GPR39: variants seen among roughly 807,000 people sequenced by gnomAD.
GPR39 encodes the protein G protein-coupled receptor 39.
Under a neutral mutation model 18.4 loss-of-function variants are expected in GPR39, and 23 were observed. That is an observed-to-expected ratio of 1.25 (90% confidence interval 0.90 to 1.77). The LOEUF (loss-of-function observed/expected upper bound fraction) is 1.77, where lower values mean the gene tolerates loss of function less well. GPR39 is among the 40% of genes most tolerant of loss of function. GPR39 has a pLI of 0.00. For synonymous variants in GPR39, 280 were observed against 257.9 expected (o/e 1.09, Z -0.82); for missense variants, 647 against 602.4 (o/e 1.07, Z -0.78).
chr2:132,422,354 T>G (rs1451330568), intron 1 of GPR39, among the ~76,000 whole-genome samples: 1 of 152,236 alleles, frequency 6.6e-6, no homozygotes, highest in African/African-American at 2.4e-5. Flanking sequence ...TTCTGTACCC[T>G]GTGTGCAGGC....
intron 1 of GPR39, among the ~76,000 whole-genome samples, chr2:132,571,862 G>A (rs939640478): frequency 1.3e-5 from 2 of 152,200 alleles, no homozygotes; most frequent in Non-Finnish European, 2.9e-5. Context: ...AGTGCTAGTG[G>A]AGCCCAGATG....
At chr2:132,584,581 T>C (rs1304769483) in intron 1 of GPR39, among the ~76,000 whole-genome samples, 1 of 151,710 alleles carries the variant, frequency 6.6e-6, no homozygotes, top group African/African-American at 2.4e-5. Context: ...CCCAAGGTTC[T>C]GTCTGAAAGG....
At chr2:132,492,464 T>TACACACCATATAC (rs1558814323) in intron 1 of GPR39, among the ~76,000 whole-genome samples, 1 of 140,146 alleles carries the variant, frequency 7.1e-6, no homozygotes, top group East Asian at 2.1e-4. Context: ...ACACCATATA[T>TACACACCATATAC]ACCATATATA....
intron 1 of GPR39, among the ~76,000 whole-genome samples, chr2:132,619,995 C>T (rs561460790): frequency 2.6e-5 from 4 of 152,248 alleles, no homozygotes; most frequent in South Asian, 2.1e-4. Flanking sequence ...TGCCCTTTCT[C>T]GTGCTAATCT....
At chr2:132,553,220 T>A (rs4954339) in intron 1 of GPR39, among the ~76,000 whole-genome samples, 72,004 of 151,114 alleles carry the variant, frequency 0.48, 17,768 homozygotes, top group East Asian at 0.86. Context: ...GCCACATATC[T>A]ATGTATATTG....
intron 1 of GPR39, among the ~76,000 whole-genome samples, chr2:132,564,803 C>CTTTT (rs1680316668): frequency 1.1e-5 from 1 of 91,708 alleles, no homozygotes; most frequent in East Asian, 4.0e-4. Context: ...CTATTTTTTT[C>CTTTT]TTTTTTCTTT....
chr2:132,455,519 C>G (rs1369792016), intron 1 of GPR39, among the ~76,000 whole-genome samples: 3 of 152,166 alleles, frequency 2.0e-5, no homozygotes, highest in Non-Finnish European at 4.4e-5. Context: ...TTGCCTTCTG[C>G]TAACTTTTGA....
intron 1 of GPR39, among the ~76,000 whole-genome samples, chr2:132,453,173 C>T (rs550872545): frequency 2.0e-5 from 3 of 152,300 alleles, no homozygotes; most frequent in South Asian, 2.1e-4. Context: ...GATTGACATT[C>T]TAACTGATGT....
intron 1 of GPR39, among the ~76,000 whole-genome samples, chr2:132,451,673 T>G (rs1680635134): frequency 6.6e-6 from 1 of 152,206 alleles, no homozygotes; most frequent in Non-Finnish European, 1.5e-5. Context: ...TTTTACTATA[T>G]TCTTAGGATT....
chr2:132,506,154 G>T (rs1418891611), intron 1 of GPR39, among the ~76,000 whole-genome samples: 1 of 109,070 alleles, frequency 9.2e-6, no homozygotes, highest in Non-Finnish European at 2.1e-5. Flanking sequence ...GATTAGTAAT[G>T]CTGAGCATTT....
At chr2:132,613,402 T>C (rs1453047550) in intron 1 of GPR39, among the ~76,000 whole-genome samples, 26 of 152,192 alleles carry the variant, frequency 1.7e-4, no homozygotes. Flanking sequence ...TAGGCAAAAC[T>C]TATGCATCCT....
Position 132,644,980 on chromosome 2 carries a change from A to G in GPR39, c.857-121A>G, listed in dbSNP as rs1681974581. The G allele has an allele frequency of 2.6e-6, 3 of 1,167,110 alleles. No individual in the cohort carries two copies. The African/African-American group carries it at 4.7e-5, about 18-fold the overall frequency. The allele number at this position is 1,167,110 out of a possible 1,614,324, so 72.3% of individuals were successfully genotyped here. ...AGTCCAACACTGAAAAATTGGTACC[A>G]TTTCCTGGCCAGTAAGCACAGAACA... On this transcript the variant is annotated intron_variant, in intron 1 of 1. Coordinates refer to ENST00000329321, the MANE Select transcript of GPR39 (RefSeq NM_001508.3).
chr2:132,428,058 A>G (rs1004973606), intron 1 of GPR39, among the ~76,000 whole-genome samples: 5 of 151,410 alleles, frequency 3.3e-5, no homozygotes, highest in Non-Finnish European at 7.4e-5. Flanking sequence ...CAAATGAGTC[A>G]CCTTGGTGAT....
chr2:132,594,540 T>C (rs1366040287), intron 1 of GPR39, among the ~76,000 whole-genome samples: 2 of 152,100 alleles, frequency 1.3e-5, no homozygotes, highest in Non-Finnish European at 2.9e-5. Flanking sequence ...AAATTTTTAA[T>C]AGTAGTGAAT....
At chr2:132,474,660 A>G (rs1681093428) in intron 1 of GPR39, among the ~76,000 whole-genome samples, 1 of 152,214 alleles carries the variant, frequency 6.6e-6, no homozygotes, top group African/African-American at 2.4e-5. Context: ...CACCATCACC[A>G]TAGATTTCTA....
At chr2:132,550,027 T>TCTC (rs78829598) in intron 1 of GPR39, among the ~76,000 whole-genome samples, 71,393 of 151,598 alleles carry the variant, frequency 0.47, 17,369 homozygotes, top group East Asian at 0.86. Flanking sequence ...GACAGAGTAT[T>TCTC]CTGAAAGCCC....
In GPR39 at chr2:132,645,786, C is replaced by A; in HGVS notation, c.*180C>A. The A allele has an allele frequency of 1.1e-6, 1 of 871,338 alleles. No homozygotes were observed. Among genetic ancestry groups the A allele is most frequent in the Non-Finnish European group, 1.7e-6 (1 of 585,064 alleles). The allele number at this position is 871,338 out of a possible 1,614,324, so 54.0% of individuals were successfully genotyped here. A position where few individuals can be genotyped will look rare whatever the true frequency, so the allele number is the denominator to read the frequency against. ...ACTGACTCTGCCAGCCTGGCCTTGA[C>A]TCCGGTTACACAGACATGGGGGTGA... is the stretch of plus-strand genomic sequence containing the variant. On this transcript the variant is annotated 3_prime_UTR_variant, in exon 2 of 2. Coordinates refer to ENST00000329321, the MANE Select transcript of GPR39 (RefSeq NM_001508.3).
intron 1 of GPR39, among the ~76,000 whole-genome samples, chr2:132,540,262 G>T (rs572181709): frequency 6.6e-6 from 1 of 152,214 alleles, no homozygotes; most frequent in South Asian, 2.1e-4. Flanking sequence ...TTGACAGCAG[G>T]GGCTCTCCGG....
intron 1 of GPR39, among the ~76,000 whole-genome samples, chr2:132,627,441 AT>A (rs1486530613): frequency 3.3e-5 from 5 of 152,240 alleles, no homozygotes; most frequent in Admixed American, 2.0e-4. Context: ...CAAACCCAGG[AT>A]TCTAGGAAGC....
Sources: gnomAD v4.1 joint callset for allele counts (sites outside exome capture counted in the v4.1 genomes callset) on GRCh38, gnomAD v4.1.1 for gene constraint, MANE v1.5 for transcripts, NCBI Gene and HGNC (gene_info 2026-07-23, HGNC 2026-07-21) for gene names.